The following CFAP54 variants were observed in gnomAD, a reference collection of about 807,000 sequenced individuals.
CFAP54 encodes the protein cilia and flagella associated protein 54.
Under a neutral mutation model 370.4 loss-of-function variants are expected in CFAP54, and 290 were observed. The ratio of observed to expected loss-of-function variants is 0.78; its 90% CI spans 0.71 to 0.86. CFAP54 has a LOEUF of 0.86. CFAP54 is among the 40% of genes least tolerant of loss of function. CFAP54 has a pLI of 0.00. For synonymous variants in CFAP54, 1,206 were observed against 1,236.5 expected (o/e 0.98, Z 0.52); for missense variants, 3,399 against 3,528.7 (o/e 0.96, Z 0.93).
At chr12:96,765,037 A>G in intron 59 of CFAP54, 40 bp from the exon 60 acceptor site, 1 of 1,331,224 alleles carries the variant, frequency 7.5e-7, no homozygotes. Context: ...ATGAATTAGA[A>G]AGCTTATATT....
intron 26 of CFAP54, among the ~76,000 whole-genome samples, chr12:96,599,322 T>C (rs1276446864): frequency 1.3e-5 from 2 of 152,192 alleles, no homozygotes; most frequent in Non-Finnish European, 2.9e-5. Context: ...TCCATGTCCC[T>C]GCAAAGGACA....
At chr12:96,711,530 T>A (rs913122971) in intron 48 of CFAP54, among the ~76,000 whole-genome samples, 1 of 152,224 alleles carries the variant, frequency 6.6e-6, no homozygotes, top group Non-Finnish European at 1.5e-5. Flanking sequence ...GGGAACCCTG[T>A]CTGCTTAGTT....
intron 60 of CFAP54, among the ~76,000 whole-genome samples, chr12:96,777,213 G>A (rs1958525907): frequency 6.6e-6 from 1 of 152,140 alleles, no homozygotes; most frequent in Admixed American, 6.5e-5. Context: ...CCTGGAGACA[G>A]CCATTGCACT....
rs941389476 is a variant in CFAP54, at chr12:96,596,128, C to A, written c.3516+1682C>A. Among the ~76,000 whole-genome samples the A allele has an allele frequency of 2.6e-5, 4 of 152,044 alleles. No individual in the cohort carries two copies. The East Asian group carries it at 7.7e-4, about 29-fold the overall frequency. On this transcript the variant is annotated intron_variant, in intron 25 of 67. Coordinates refer to ENST00000524981, the MANE Select transcript of CFAP54 (RefSeq NM_001306084.2). ...ACTTGAAATGCATACTTTCATCTGT[C>A]CAGTGTTAATGAGAACTCGGATAGA...
At chr12:96,751,240 C>T (rs974038501) in intron 55 of CFAP54, among the ~76,000 whole-genome samples, 2 of 151,996 alleles carry the variant, frequency 1.3e-5, no homozygotes, top group African/African-American at 4.8e-5. Context: ...TCATTGAGGG[C>T]CACTTATATG....
At chr12:96,823,352 A>G (rs1233588247) in intron 65 of CFAP54, among the ~76,000 whole-genome samples, 1 of 152,160 alleles carries the variant, frequency 6.6e-6, no homozygotes, top group East Asian at 1.9e-4. Context: ...CTTATTCATC[A>G]TTATATCGCC....
chr12:96,660,530 A>G (rs147387478), intron 38 of CFAP54, among the ~76,000 whole-genome samples: 1 of 152,254 alleles, frequency 6.6e-6, no homozygotes, highest in East Asian at 1.9e-4. Flanking sequence ...ATATCAGCCA[A>G]AGTTCAACCA....
chr12:96,607,642 G>C (rs531993359), intron 26 of CFAP54, among the ~76,000 whole-genome samples: 1 of 152,268 alleles, frequency 6.6e-6, no homozygotes, highest in South Asian at 2.1e-4. Flanking sequence ...GAAGGAATAG[G>C]CTTCCTGAGT....
chr12:96,489,969 G>A (rs1592809024), intron 1 of CFAP54, 43 bp downstream of exon 1: 6 of 1,488,866 alleles, frequency 4.0e-6, no homozygotes, highest in Middle Eastern at 1.7e-4. Flanking sequence ...GGCCAGAGGA[G>A]GGACCCCTGG....
intron 39 of CFAP54, among the ~76,000 whole-genome samples, chr12:96,666,299 A>G (rs1204915357): frequency 6.6e-6 from 1 of 152,180 alleles, no homozygotes; most frequent in Non-Finnish European, 1.5e-5. Context: ...AGATTATTCT[A>G]TTAGTTTTAC....
intron 55 of CFAP54, among the ~76,000 whole-genome samples, chr12:96,750,539 T>C (rs1240687116): frequency 6.6e-6 from 1 of 152,238 alleles, no homozygotes; most frequent in Non-Finnish European, 1.5e-5. Flanking sequence ...TTAGGCTGAC[T>C]TAATTGGCCT....
rs746538349 is a variant in CFAP54, at chr12:96,644,336, A to G, written c.4475A>G (p.His1492Arg). Residue 1492 changes from histidine (H) to arginine (R), a missense_variant, in exon 33 of 68, where the codon CAC (histidine) becomes CGC (arginine). His to Arg is a conservative substitution (Grantham distance 29). Around this residue, in one of 3 missense-constraint regions of CFAP54, gnomAD observed 2,796 missense variants for 2,869.7 expected, o/e 0.97. Transcript: ENST00000524981. ...AQMNLYLAGAHFNLVLQKLWE... is the reference protein window; with the variant it reads ...AQMNLYLAGARFNLVLQKLWE... ...ATGAACCTGTATCTAGCAGGTGCAC[A>G]CTTTAACCTGGTTTTACAAAAGCTA... The G allele has an allele frequency of 1.4e-4, 212 of 1,535,886 alleles. No homozygotes were observed. Among genetic ancestry groups the G allele is most frequent in the Non-Finnish European group, 1.6e-4 (189 of 1,146,814 alleles).
At chr12:96,638,694 T>A (rs1449245532) in intron 32 of CFAP54, among the ~76,000 whole-genome samples, 1 of 152,224 alleles carries the variant, frequency 6.6e-6, no homozygotes, top group East Asian at 1.9e-4. Flanking sequence ...GAAATGATTC[T>A]TTTAGAACTC....
chr12:96,689,077 G>C (rs890364400), intron 43 of CFAP54, 95 bp downstream of exon 43: 1 of 651,944 alleles, frequency 1.5e-6, no homozygotes, highest in African/African-American at 1.9e-5. Flanking sequence ...CTCACAGGTA[G>C]CAAAATAACA....
chr12:96,754,042 T>G, intron 56 of CFAP54, 144 bp downstream of exon 56: 9 of 618,110 alleles, frequency 1.5e-5, no homozygotes, highest in Non-Finnish European at 2.2e-5. Flanking sequence ...CAATGGTACC[T>G]CCACCAAATC....
intron 13 of CFAP54, among the ~76,000 whole-genome samples, chr12:96,539,037 A>G (rs986959025): frequency 6.8e-6 from 1 of 146,534 alleles, no homozygotes; most frequent in Non-Finnish European, 1.5e-5. Context: ...TATTATAGGC[A>G]TGAGCCACCA....
At chr12:96,691,365 A>T in intron 44 of CFAP54, 55 bp downstream of exon 44, 1 of 1,305,574 alleles carries the variant, frequency 7.7e-7, no homozygotes, top group Non-Finnish European at 1.0e-6. Flanking sequence ...TGCTCCACTT[A>T]CCTCATACTT....
At chr12:96,865,463 A>T (rs1173451144) in intron 67 of CFAP54, among the ~76,000 whole-genome samples, 1 of 152,174 alleles carries the variant, frequency 6.6e-6, no homozygotes, top group Non-Finnish European at 1.5e-5. Context: ...ATGGATGAGT[A>T]CATATATACT....
chr12:96,767,434 C>A (rs1346330420), intron 60 of CFAP54, among the ~76,000 whole-genome samples: 3 of 152,182 alleles, frequency 2.0e-5, no homozygotes, highest in African/African-American at 7.2e-5. Context: ...CTTTCTTGTT[C>A]CGTGTCAGTG....
Sources: allele counts gnomAD v4.1 joint callset (sites outside exome capture counted in the v4.1 genomes callset), GRCh38; gene constraint gnomAD v4.1.1; regional missense constraint gnomAD v4.1.1; transcripts MANE v1.5; gene names NCBI Gene and HGNC (gene_info 2026-07-23, HGNC 2026-07-21).